NDUFS4: variants seen among roughly 807,000 people sequenced by gnomAD.
NDUFS4 encodes NADH dehydrogenase [ubiquinone] iron-sulfur protein 4, mitochondrial.
Under a neutral mutation model 24.3 loss-of-function variants are expected in NDUFS4, and 28 were observed. The observed-to-expected ratio is 1.15, with a 90% CI of 0.85 to 1.58. NDUFS4 has a LOEUF of 1.58. Among genes scored for constraint, NDUFS4 ranks in the 40% most tolerant of loss-of-function variants. The pLI is 0.00. For missense variants in NDUFS4, 223 were observed against 207.9 expected (o/e 1.07, Z -0.45); for synonymous variants, 93 against 69.7 (o/e 1.34, Z -1.67).
intron 2 of NDUFS4, among the ~76,000 whole-genome samples, chr5:53,612,870 G>A (rs1305933238): frequency 6.6e-6 from 1 of 152,026 alleles, no homozygotes; most frequent in Non-Finnish European, 1.5e-5. Flanking sequence ...TAAGAAGTTT[G>A]TAAAATTGAA....
chr5:53,643,049 A>G (rs1751748573), intron 2 of NDUFS4, among the ~76,000 whole-genome samples: 1 of 152,170 alleles, frequency 6.6e-6, no homozygotes, highest in Admixed American at 6.6e-5. Context: ...ACTTGACCCA[A>G]CTATTCAACA....
intron 1 of NDUFS4, among the ~76,000 whole-genome samples, chr5:53,586,611 C>G (rs909351871): frequency 2.0e-5 from 3 of 152,140 alleles, no homozygotes; most frequent in African/African-American, 7.2e-5. Context: ...CAAGCTCCGC[C>G]TCCCAGGTTC....
At chr5:53,582,259 A>ATT (rs1422931853) in intron 1 of NDUFS4, among the ~76,000 whole-genome samples, 3 of 151,904 alleles carry the variant, frequency 2.0e-5, no homozygotes, top group African/African-American at 4.8e-5. Flanking sequence ...ATTAAAATAA[A>ATT]AATAAATAGC....
At chr5:53,615,811 T>C (rs1383320183) in intron 2 of NDUFS4, among the ~76,000 whole-genome samples, 1 of 152,090 alleles carries the variant, frequency 6.6e-6, no homozygotes, top group Non-Finnish European at 1.5e-5. Flanking sequence ...CTAAACAACA[T>C]ATAGGATACA....
chr5:53,635,122 G>A (rs979009268), intron 2 of NDUFS4, among the ~76,000 whole-genome samples: 3 of 151,946 alleles, frequency 2.0e-5, no homozygotes, highest in Admixed American at 6.6e-5. Context: ...GCCAGGAGGC[G>A]GTGGTTGCAG....
At chr5:53,680,423 C>G (rs1338557369) in intron 4 of NDUFS4, among the ~76,000 whole-genome samples, 1 of 152,120 alleles carries the variant, frequency 6.6e-6, no homozygotes, top group Non-Finnish European at 1.5e-5. Flanking sequence ...TTCACAATAG[C>G]AAAGACTTGG....
intron 4 of NDUFS4, among the ~76,000 whole-genome samples, chr5:53,682,262 A>G (rs1346006990): frequency 1.3e-5 from 2 of 152,188 alleles, no homozygotes; most frequent in Non-Finnish European, 2.9e-5. Flanking sequence ...TAGTGCAGAA[A>G]ATGTAGACAT....
chr5:53,560,890 G>A (rs1748816858), intron 1 of NDUFS4, 130 bp downstream of exon 1: 3 of 1,536,014 alleles, frequency 2.0e-6, no homozygotes, highest in African/African-American at 2.7e-5. Context: ...GGGAGAAGTC[G>A]GGCGGACTAG....
chr5:53,636,307 A>G (rs557896310), intron 2 of NDUFS4, among the ~76,000 whole-genome samples: 2 of 152,308 alleles, frequency 1.3e-5, no homozygotes, highest in Admixed American at 6.5e-5. Flanking sequence ...GTTTCTATCA[A>G]TTTATCCAGC....
At chr5:53,607,176 C>T (rs1315544628) in intron 2 of NDUFS4, among the ~76,000 whole-genome samples, 1 of 152,158 alleles carries the variant, frequency 6.6e-6, no homozygotes, top group Non-Finnish European at 1.5e-5. Flanking sequence ...CAGACATTTT[C>T]TTGAAAATGA....
At chr5:53,628,793 A>G (rs542516256) in intron 2 of NDUFS4, among the ~76,000 whole-genome samples, 46 of 152,062 alleles carry the variant, frequency 3.0e-4, no homozygotes, top group Admixed American at 7.8e-4. Context: ...CTAGCAGTCT[A>G]TCTATTTTGT....
chr5:53,602,188 T>A (rs1302136731), intron 1 of NDUFS4, among the ~76,000 whole-genome samples: 1 of 152,220 alleles, frequency 6.6e-6, no homozygotes, highest in African/African-American at 2.4e-5. Context: ...AGTATTTAAA[T>A]TTTTTAATTG....
At chr5:53,672,928 T>C (rs1263397727) in intron 4 of NDUFS4, among the ~76,000 whole-genome samples, 1 of 152,146 alleles carries the variant, frequency 6.6e-6, no homozygotes, top group Non-Finnish European at 1.5e-5. Flanking sequence ...TGACATTGAT[T>C]TCCAGTTGAC....
intron 2 of NDUFS4, among the ~76,000 whole-genome samples, chr5:53,621,046 A>G (rs909251717): frequency 3.9e-5 from 6 of 152,198 alleles, no homozygotes; most frequent in African/African-American, 9.6e-5. Flanking sequence ...GAGAAGAGTT[A>G]ACGTCTCAAA....
intron 1 of NDUFS4, among the ~76,000 whole-genome samples, chr5:53,598,688 A>G (rs997681085): frequency 6.6e-6 from 1 of 152,212 alleles, no homozygotes; most frequent in Non-Finnish European, 1.5e-5. Flanking sequence ...ACAATAAAAA[A>G]GACAAAAATC....
At chr5:53,670,366 A>G (rs1752630124) in intron 4 of NDUFS4, among the ~76,000 whole-genome samples, 1 of 152,080 alleles carries the variant, frequency 6.6e-6, no homozygotes, top group Non-Finnish European at 1.5e-5. Flanking sequence ...AGCTCTTGAT[A>G]TGTGTTTAAT....
chr5:53,655,111 G>A (rs895026549), intron 3 of NDUFS4, among the ~76,000 whole-genome samples: 5 of 152,158 alleles, frequency 3.3e-5, no homozygotes, highest in East Asian at 1.9e-4. Context: ...TGTGTACAAC[G>A]TATTATTTTG....
chr5:53,598,636 A>C (rs1750205446), intron 1 of NDUFS4, among the ~76,000 whole-genome samples: 1 of 152,140 alleles, frequency 6.6e-6, no homozygotes. Context: ...TACTGATAAA[A>C]ATTTATCTCA....
chr5:53,668,927 T>C (rs185891386), intron 4 of NDUFS4, among the ~76,000 whole-genome samples: 3 of 152,284 alleles, frequency 2.0e-5, no homozygotes, highest in Non-Finnish European at 4.4e-5. Flanking sequence ...TCCATTTAAT[T>C]GTTCAAGGCA....
Sources: allele counts gnomAD v4.1 joint callset (sites outside exome capture counted in the v4.1 genomes callset), GRCh38; gene constraint gnomAD v4.1.1; transcripts MANE v1.5; gene names NCBI Gene and HGNC (gene_info 2026-07-23, HGNC 2026-07-21).